The following TMEM132D variants were observed in gnomAD, a reference collection of about 807,000 sequenced individuals.
The protein encoded by TMEM132D is transmembrane protein 132D, also known as mature OL transmembrane protein.
A neutral mutation model predicts 62.3 loss-of-function variants in TMEM132D; 21 were observed. The observed-to-expected ratio is 0.34, with a 90% CI of 0.24 to 0.49. TMEM132D has a LOEUF of 0.49. TMEM132D is among the 20% of genes least tolerant of loss of function. TMEM132D has a pLI of 0.99. For missense variants in TMEM132D, 1,346 were observed against 1,402.8 expected (o/e 0.96, Z 0.65); for synonymous variants, 621 against 575.6 (o/e 1.08, Z -1.13).
At chr12:129,686,618 C>T (rs1202645784) in intron 2 of TMEM132D, among the ~76,000 whole-genome samples, 1 of 152,162 alleles carries the variant, frequency 6.6e-6, no homozygotes, top group South Asian at 2.1e-4. Flanking sequence ...ATAAAAACAG[C>T]TGGACTGAAT....
intron 1 of TMEM132D, among the ~76,000 whole-genome samples, chr12:129,824,305 T>A (rs1872605518): frequency 6.6e-6 from 1 of 152,242 alleles, no homozygotes; most frequent in Admixed American, 6.5e-5. Flanking sequence ...GGCAACTCCA[T>A]AATTTTTCAG....
chr12:129,558,627 C>A (rs11060438), intron 2 of TMEM132D, among the ~76,000 whole-genome samples: 4 of 151,934 alleles, frequency 2.6e-5, no homozygotes, highest in African/African-American at 9.7e-5. Flanking sequence ...CAGGACCACA[C>A]GGGAAAAGGG....
intron 4 of TMEM132D, among the ~76,000 whole-genome samples, chr12:129,210,505 G>A (rs878983664): frequency 1.2e-4 from 18 of 152,070 alleles, no homozygotes; most frequent in East Asian, 3.9e-4. Context: ...TTCTTTCATC[G>A]AGCAGCTCAA....
At chr12:129,139,029 A>T (rs1041690112) in intron 5 of TMEM132D, among the ~76,000 whole-genome samples, 1 of 152,164 alleles carries the variant, frequency 6.6e-6, no homozygotes, top group Non-Finnish European at 1.5e-5. Flanking sequence ...AGCACATTAA[A>T]ATCTTCCCTT....
chr12:129,456,035 T>C (rs981727777), intron 3 of TMEM132D, among the ~76,000 whole-genome samples: 2 of 152,118 alleles, frequency 1.3e-5, no homozygotes, highest in African/African-American at 2.4e-5. Flanking sequence ...TTTCAGGAGA[T>C]GTTAGCAGAC....
chr12:129,842,238 G>A (rs944199461), intron 1 of TMEM132D, among the ~76,000 whole-genome samples: 3 of 150,060 alleles, frequency 2.0e-5, no homozygotes, highest in Non-Finnish European at 3.0e-5. Context: ...GTGAGCCACC[G>A]CGCCCGGCCA....
chr12:129,758,926 T>G (rs2137273158), intron 1 of TMEM132D, among the ~76,000 whole-genome samples: 1 of 151,426 alleles, frequency 6.6e-6, no homozygotes, highest in African/African-American at 2.4e-5. Context: ...TTTAATTTCT[T>G]TCTTTCTTTC....
At chr12:129,554,960 C>G (rs1220724785) in intron 2 of TMEM132D, among the ~76,000 whole-genome samples, 1 of 152,158 alleles carries the variant, frequency 6.6e-6, no homozygotes, top group Non-Finnish European at 1.5e-5. Flanking sequence ...ATAATTCTCT[C>G]TTCTAGCCCT....
chr12:129,316,564 A>G (rs1868493714), intron 4 of TMEM132D, among the ~76,000 whole-genome samples: 1 of 152,090 alleles, frequency 6.6e-6, no homozygotes. Flanking sequence ...TTTATGCCCT[A>G]TGATATGTCT....
intron 4 of TMEM132D, among the ~76,000 whole-genome samples, chr12:129,327,070 G>A (rs1343273452): frequency 6.6e-6 from 1 of 152,086 alleles, no homozygotes; most frequent in African/African-American, 2.4e-5. Context: ...GTTGCCTAGC[G>A]AGAGAGTTCA....
chr12:129,435,789 A>T (rs1320210381), intron 3 of TMEM132D, among the ~76,000 whole-genome samples: 1 of 152,202 alleles, frequency 6.6e-6, no homozygotes, highest in East Asian at 1.9e-4. Context: ...TAAAAAGGGA[A>T]TGTCTATATT....
chr12:129,510,519 T>C (rs1044011297), intron 3 of TMEM132D, among the ~76,000 whole-genome samples: 2 of 152,182 alleles, frequency 1.3e-5, no homozygotes, highest in Non-Finnish European at 2.9e-5. Flanking sequence ...TGTGGGTTAG[T>C]ACCTAAGAAA....
chr12:129,786,424 T>C (rs1020351330), intron 1 of TMEM132D, among the ~76,000 whole-genome samples: 5 of 152,180 alleles, frequency 3.3e-5, no homozygotes, highest in Non-Finnish European at 7.3e-5. Flanking sequence ...GGCCTGCTTT[T>C]GTCACAAGGG....
intron 3 of TMEM132D, among the ~76,000 whole-genome samples, chr12:129,471,737 G>T (rs1874098274): frequency 6.6e-6 from 1 of 152,216 alleles, no homozygotes; most frequent in Non-Finnish European, 1.5e-5. Context: ...CAAAGGAGAA[G>T]TTTTTGAAGG....
Position 129,074,646 on chromosome 12 carries a change from G to A in TMEM132D, c.2529C>T (p.Gly843=), listed in dbSNP as rs1383792438. Residue 843 remains glycine (G), a synonymous_variant, in exon 9 of 9, where the codon GGC becomes GGT. Coordinates refer to ENST00000422113, the MANE Select transcript of TMEM132D (RefSeq NM_133448.3). ...EWGSQEGQYY[G]SSSMGLMEGR... Reference sequence around the variant, plus strand: ...CCTCCATGAGTCCCATAGAAGAACTGCCATAGTACTGTCCTTCCTGACTCC... The same window carrying A: ...CCTCCATGAGTCCCATAGAAGAACTACCATAGTACTGTCCTTCCTGACTCC... 1.2e-6 allele frequency: 2 copies of A among 1,614,090 alleles called. No individual in the cohort carries two copies. Among genetic ancestry groups the A allele is most frequent in the South Asian group, 2.2e-5 (2 of 91,078 alleles).
chr12:129,706,242 A>C (rs908411943), intron 1 of TMEM132D, among the ~76,000 whole-genome samples: 1 of 152,014 alleles, frequency 6.6e-6, no homozygotes, highest in East Asian at 1.9e-4. Flanking sequence ...AATTGTCTCC[A>C]GGAGAACTTA....
intron 5 of TMEM132D, among the ~76,000 whole-genome samples, chr12:129,104,640 T>C (rs1224897975): frequency 2.6e-5 from 4 of 151,508 alleles, no homozygotes; most frequent in African/African-American, 9.8e-5. Flanking sequence ...CACAACCTAC[T>C]CATCTGACAA....
At chr12:129,846,720 T>G (rs1378472094) in intron 1 of TMEM132D, among the ~76,000 whole-genome samples, 1 of 152,222 alleles carries the variant, frequency 6.6e-6, no homozygotes, top group Non-Finnish European at 1.5e-5. Context: ...TCCAGTTCAC[T>G]CATTCTAATA....
chr12:129,733,055 G>A (rs1393188360), intron 1 of TMEM132D, among the ~76,000 whole-genome samples: 1 of 152,170 alleles, frequency 6.6e-6, no homozygotes, highest in Non-Finnish European at 1.5e-5. Flanking sequence ...TTGGTTTGAT[G>A]GGTCCTGATC....
Sources: allele counts gnomAD v4.1 joint callset (sites outside exome capture counted in the v4.1 genomes callset), GRCh38; gene constraint gnomAD v4.1.1; transcripts MANE v1.5; gene names NCBI Gene and HGNC (gene_info 2026-07-23, HGNC 2026-07-21).